USP12: variants seen among roughly 807,000 people sequenced by gnomAD.
USP12 encodes ubiquitin specific peptidase 12.
In USP12, 19 loss-of-function variants were observed where a neutral mutation model predicts 45.5. That is an observed-to-expected ratio of 0.42 (90% CI 0.29 to 0.61). The LOEUF (loss-of-function observed/expected upper bound fraction) is 0.61. Ranked by LOEUF, USP12 falls within the 20% of genes least tolerant of loss-of-function variation. USP12 has a pLI of 0.22. For missense variants in USP12, 242 were observed against 447.7 expected (o/e 0.54, Z 4.15); for synonymous variants, 149 against 148.8 (o/e 1.00, Z -0.01).
chr13:27,148,759 T>C lies in USP12; in HGVS notation c.48+22833A>G, dbSNP rs1022425885. ...GGGCTAACATAAAATAGCATATCAA[T>C]TGAATTAAAAAACCAGAATCACAGA... On this transcript the variant is annotated intron_variant, in intron 1 of 8. Coordinates refer to ENST00000282344, the MANE Select transcript of USP12 (RefSeq NM_182488.4). Among the ~76,000 whole-genome samples the C allele has an allele frequency of 9.2e-5, 12 of 130,346 alleles. No individual in the cohort carries two copies. The Admixed American group carries it at 9.3e-4, about 10-fold the overall frequency. 85.5% of individuals were successfully genotyped at this position (130,346 alleles called of 152,430 possible).
At chr13:27,168,434 AC>A (rs1878442761) in intron 1 of USP12, among the ~76,000 whole-genome samples, 1 of 152,080 alleles carries the variant, frequency 6.6e-6, no homozygotes, top group Non-Finnish European at 1.5e-5. Context: ...ATGACGGACC[AC>A]CCGGATTAGC....
chr13:27,089,200 T>C (rs1296188600), intron 6 of USP12, among the ~76,000 whole-genome samples: 1 of 152,220 alleles, frequency 6.6e-6, no homozygotes, highest in African/African-American at 2.4e-5. Context: ...CATCCTGTGA[T>C]ACCAAAATAA....
intron 6 of USP12, among the ~76,000 whole-genome samples, chr13:27,075,661 T>C (rs1347719263): frequency 1.3e-5 from 2 of 152,190 alleles, no homozygotes; most frequent in African/African-American, 4.8e-5. Context: ...ATGGCGTTAG[T>C]CCTTGGTTAA....
At chr13:27,076,091 T>C (rs1873474711) in intron 6 of USP12, among the ~76,000 whole-genome samples, 2 of 151,180 alleles carry the variant, frequency 1.3e-5, no homozygotes, top group South Asian at 2.1e-4. Context: ...GACAATTCCT[T>C]TGGACTTGGG....
intron 1 of USP12, among the ~76,000 whole-genome samples, chr13:27,165,716 A>T (rs182645309): frequency 1.2e-3 from 188 of 152,302 alleles, no homozygotes; most frequent in Non-Finnish European, 2.5e-4. Flanking sequence ...AAAATTAGCA[A>T]ATAGCTTTGT....
At chr13:27,077,214 A>G (rs1242967766) in intron 6 of USP12, 1 of 152,210 alleles carries the variant, frequency 6.6e-6, no homozygotes, top group Non-Finnish European at 1.5e-5. Flanking sequence ...TCAACTATGA[A>G]ACATCAGACC....
chr13:27,167,685 A>G (rs1181532424), intron 1 of USP12, among the ~76,000 whole-genome samples: 2 of 151,862 alleles, frequency 1.3e-5, no homozygotes, highest in African/African-American at 2.4e-5. Context: ...TTAATTTACA[A>G]ATAAATATTT....
chr13:27,107,542 A>G (rs55714288), intron 2 of USP12, among the ~76,000 whole-genome samples: 10,513 of 152,206 alleles, frequency 0.069, 432 homozygotes, highest in African/African-American at 0.089. Context: ...AACTCTGAAA[A>G]TGTATGTCTG....
chr13:27,158,783 A>G (rs1877961255), intron 1 of USP12, among the ~76,000 whole-genome samples: 1 of 152,244 alleles, frequency 6.6e-6, no homozygotes. Flanking sequence ...TGCAAACAGT[A>G]TTATATAACC....
chr13:27,090,473 T>C (rs554118650), intron 4 of USP12, among the ~76,000 whole-genome samples: 6 of 152,268 alleles, frequency 3.9e-5, no homozygotes, highest in African/African-American at 4.8e-5. Flanking sequence ...CCATATACAC[T>C]GATTCTTAAA....
At chr13:27,087,075 G>A (rs1015843280) in intron 6 of USP12, among the ~76,000 whole-genome samples, 2 of 151,954 alleles carry the variant, frequency 1.3e-5, no homozygotes, top group Admixed American at 1.3e-4. Flanking sequence ...AGGAGAGGGG[G>A]AAGTCAAAGC....
intron 7 of USP12, among the ~76,000 whole-genome samples, chr13:27,074,916 G>C (rs1382463388): frequency 6.6e-6 from 1 of 151,536 alleles, no homozygotes; most frequent in African/African-American, 2.4e-5. Flanking sequence ...CCCCAAAAAA[G>C]GAAAAGAAAA....
At chr13:27,084,453 C>A (rs1439726688) in intron 6 of USP12, among the ~76,000 whole-genome samples, 1 of 145,134 alleles carries the variant, frequency 6.9e-6, no homozygotes, top group Non-Finnish European at 1.5e-5. Flanking sequence ...TTGCAGTGAG[C>A]CAAGATCATG....
intron 2 of USP12, among the ~76,000 whole-genome samples, chr13:27,113,148 C>T (rs1024686476): frequency 5.9e-5 from 9 of 151,926 alleles, no homozygotes; most frequent in East Asian, 1.9e-4. Context: ...GGCAGGAGGA[C>T]GGCTTGAGCC....
intron 3 of USP12, 74 bp downstream of exon 3, chr13:27,105,657 G>A: frequency 2.2e-6 from 3 of 1,387,444 alleles, no homozygotes; most frequent in Non-Finnish European, 2.0e-6. Flanking sequence ...ATGATGCTCA[G>A]TAAGTGCTGG....
intron 3 of USP12, among the ~76,000 whole-genome samples, chr13:27,097,502 T>C (rs1231037449): frequency 6.6e-6 from 1 of 152,124 alleles, no homozygotes; most frequent in Non-Finnish European, 1.5e-5. Context: ...CCATCTTTCT[T>C]TGCAAAGTCA....
Position 27,090,265 on chromosome 13 carries a change from C to A in USP12, c.574-107G>T, listed in dbSNP as rs1301742134. The A allele has an allele frequency of 3.4e-6, 3 of 886,568 alleles. No individual in the cohort carries two copies. The African/African-American group carries it at 5.0e-5, about 15-fold the overall frequency. 54.9% of individuals were successfully genotyped at this position (886,568 alleles called of 1,614,324 possible). A position where few individuals can be genotyped will look rare whatever the true frequency, so the allele number is the denominator to read the frequency against. On this transcript the variant is annotated intron_variant, in intron 4 of 8. Transcript: ENST00000282344. ...TATTATTATCAGTAAGTAAACAATT[C>A]TTTTCCCTCAAGTTCAAAAGAGAAC...
intron 1 of USP12, among the ~76,000 whole-genome samples, chr13:27,152,916 T>C (rs1197423532): frequency 7.4e-6 from 1 of 135,494 alleles, no homozygotes; most frequent in East Asian, 2.1e-4. Flanking sequence ...CACTCCAGCC[T>C]GGGTGACAGA....
At chr13:27,170,508 T>TA (rs1244308547) in intron 1 of USP12, among the ~76,000 whole-genome samples, 1 of 152,210 alleles carries the variant, frequency 6.6e-6, no homozygotes, top group East Asian at 1.9e-4. Flanking sequence ...TGATGACTCA[T>TA]AAATTATGAT....
Sources: gnomAD v4.1 joint callset for allele counts (sites outside exome capture counted in the v4.1 genomes callset) on GRCh38, gnomAD v4.1.1 for gene constraint, MANE v1.5 for transcripts, NCBI Gene and HGNC (gene_info 2026-07-23, HGNC 2026-07-21) for gene names.